The following CHST11 variants were observed in gnomAD, a reference collection of about 807,000 sequenced individuals.
The protein encoded by CHST11 is carbohydrate sulfotransferase 11.
Under a neutral mutation model 30.4 loss-of-function variants are expected in CHST11, and 9 were observed. That is an observed-to-expected ratio of 0.30 (90% CI 0.18 to 0.52). The LOEUF is 0.52. CHST11 is among the 20% of genes least tolerant of loss of function. The pLI is 0.97. For missense variants in CHST11, 348 were observed against 460.6 expected, an observed-to-expected ratio of 0.76 and a Z score of 2.24; for synonymous variants, 152 against 187.8, an observed-to-expected ratio of 0.81 and a Z score of 1.56.
At chr12:104,653,719 A>T (rs1184181195) in intron 2 of CHST11, among the ~76,000 whole-genome samples, 1 of 152,138 alleles carries the variant, frequency 6.6e-6, no homozygotes, top group Admixed American at 6.5e-5. Flanking sequence ...ACAACCCTAT[A>T]TGCAGAAACC....
chr12:104,504,689 T>C (rs2037886339), intron 1 of CHST11, among the ~76,000 whole-genome samples: 1 of 151,968 alleles, frequency 6.6e-6, no homozygotes, highest in Admixed American at 6.6e-5. Context: ...GGGCTGAGTG[T>C]GGTGGGTGGT....
intron 2 of CHST11, among the ~76,000 whole-genome samples, chr12:104,650,524 C>T (rs1377580742): frequency 6.6e-6 from 1 of 152,076 alleles, no homozygotes; most frequent in Non-Finnish European, 1.5e-5. Context: ...AGAGGAGTCT[C>T]TAGAAGGGTC....
At position 104,606,163 on chromosome 12, in the gene CHST11, TGGGGCGG is replaced by T. The variant is rs1314833016; in HGVS notation, c.204+4184_204+4190del. 6.2e-4 allele frequency among the ~76,000 whole-genome samples: 13 copies of T among 20,932 alleles called. No individual in the cohort carries two copies. The South Asian group carries it at 0.017, about 27-fold the overall frequency. The allele number at this position is 20,932 out of a possible 152,430, so 13.7% of individuals were successfully genotyped here. A position where few individuals can be genotyped will look rare whatever the true frequency, so the allele number is the denominator to read the frequency against. On this transcript the variant is annotated intron_variant, in intron 2 of 2. Coordinates refer to ENST00000303694, the MANE Select transcript of CHST11 (RefSeq NM_018413.6). ...TTTAGAGGAATTCTGGGGAACTCTC[TGGGGCGG>T]GGGGCGGGGGGGGGAATGGCTCCAG...
rs570496144 is a variant in CHST11, at chr12:104,526,930, C to T, written c.118+69401C>T. Among the ~76,000 whole-genome samples, 12 of 152,310 alleles carry T rather than the reference C, an allele frequency of 7.9e-5. No homozygotes were observed. In the East Asian group the frequency reaches 9.7e-4, roughly 12 times the overall value. On this transcript the variant is annotated intron_variant, in intron 1 of 2. Transcript: ENST00000303694. ...TTTTCTCCCGGGTTGGCAAGGCCTCCGTGTTCTCCTCCCTGGGTCCTCAGC... is the reference window on the plus strand; with the variant it reads ...TTTTCTCCCGGGTTGGCAAGGCCTCTGTGTTCTCCTCCCTGGGTCCTCAGC...
intron 2 of CHST11, among the ~76,000 whole-genome samples, chr12:104,672,247 CCT>C (rs2307824): frequency 0.18 from 28,043 of 151,778 alleles, 3,657 homozygotes; most frequent in African/African-American, 0.37. Flanking sequence ...GGGGATTGTC[CCT>C]CTCTCCCCAA....
rs58768319 is a variant in CHST11 at position 104,714,551 on chromosome 12, G to GTGATGATGA, written c.205-42380_205-42372dup. The stretch of plus-strand genomic sequence containing the variant: ...ATTTGGGTTTGCTTTTGTGGAGGTG[G>GTGATGATGA]TGATGATGATGATGATGATGATGAT... On this transcript the variant is annotated intron_variant, in intron 2 of 2. Coordinates refer to ENST00000303694, the MANE Select transcript of CHST11 (RefSeq NM_018413.6). 1.3e-4 allele frequency among the ~76,000 whole-genome samples: 20 copies of GTGATGATGA among 150,956 alleles called. No homozygotes were observed. The East Asian group carries it at 3.7e-3, about 28-fold the overall frequency.
At chr12:104,542,350 A>T (rs1474802957) in intron 1 of CHST11, among the ~76,000 whole-genome samples, 1 of 152,250 alleles carries the variant, frequency 6.6e-6, no homozygotes, top group Non-Finnish European at 1.5e-5. Context: ...GGTGAAAACA[A>T]CTCACGTGTC....
At chr12:104,464,918 A>T (rs1311752215) in intron 1 of CHST11, among the ~76,000 whole-genome samples, 1 of 152,236 alleles carries the variant, frequency 6.6e-6, no homozygotes. Flanking sequence ...TCCTATCCCC[A>T]TAAATTATTG....
intron 2 of CHST11, among the ~76,000 whole-genome samples, chr12:104,714,458 G>A (rs1196498743): frequency 6.6e-6 from 1 of 152,168 alleles, no homozygotes; most frequent in Admixed American, 6.5e-5. Context: ...CAGGGCTGGG[G>A]CAAAGGTCAG....
chr12:104,654,428 C>T (rs2039523131), intron 2 of CHST11, among the ~76,000 whole-genome samples: 1 of 152,162 alleles, frequency 6.6e-6, no homozygotes, highest in Non-Finnish European at 1.5e-5. Context: ...CACCCATGGA[C>T]ACAGTAGGAA....
At chr12:104,740,944 C>T (rs2040341853) in intron 2 of CHST11, among the ~76,000 whole-genome samples, 1 of 152,216 alleles carries the variant, frequency 6.6e-6, no homozygotes, top group African/African-American at 2.4e-5. Flanking sequence ...TGAGAATGGG[C>T]CGTCCTTCTT....
chr12:104,594,398 C>T (rs1232189493), intron 1 of CHST11, among the ~76,000 whole-genome samples: 3 of 152,152 alleles, frequency 2.0e-5, no homozygotes, highest in Non-Finnish European at 2.9e-5. Context: ...TTTTAAATCT[C>T]GGAGTGGATT....
intron 1 of CHST11, among the ~76,000 whole-genome samples, chr12:104,484,811 G>C (rs74754857): frequency 0.016 from 2,398 of 152,320 alleles, 62 homozygotes; most frequent in African/African-American, 0.055. Context: ...AGGTGGGATG[G>C]CGGTAGTGGT....
chr12:104,709,916 G>T (rs563028851), intron 2 of CHST11, among the ~76,000 whole-genome samples: 1 of 152,342 alleles, frequency 6.6e-6, no homozygotes, highest in South Asian at 2.1e-4. Context: ...AAAACTTTCA[G>T]CTGGGCATGG....
intron 1 of CHST11, among the ~76,000 whole-genome samples, chr12:104,598,068 A>G (rs1479748971): frequency 6.6e-6 from 1 of 152,188 alleles, no homozygotes; most frequent in African/African-American, 2.4e-5. Context: ...CTGCTTGGCG[A>G]AGCATTGGTG....
At chr12:104,643,568 C>T (rs950684347) in intron 2 of CHST11, among the ~76,000 whole-genome samples, 4 of 152,102 alleles carry the variant, frequency 2.6e-5, no homozygotes, top group African/African-American at 9.7e-5. Context: ...ATGCTCTTTT[C>T]AAGAACTCCA....
At chr12:104,658,950 C>T (rs2039571602) in intron 2 of CHST11, among the ~76,000 whole-genome samples, 1 of 152,236 alleles carries the variant, frequency 6.6e-6, no homozygotes, top group South Asian at 2.1e-4. Flanking sequence ...GGGATTTGAA[C>T]CCAGGCAGTC....
intron 2 of CHST11, among the ~76,000 whole-genome samples, chr12:104,662,230 T>C (rs1451994180): frequency 1.3e-5 from 2 of 152,056 alleles, no homozygotes; most frequent in Non-Finnish European, 1.5e-5. Flanking sequence ...TGGGTTTGAG[T>C]GTCAGCACGT....
At chr12:104,597,300 T>TA (rs11452358) in intron 1 of CHST11, among the ~76,000 whole-genome samples, 7,102 of 151,748 alleles carry the variant, frequency 0.047, 439 homozygotes, top group African/African-American at 0.13. Context: ...TTAGATTCTT[T>TA]AAAAAAAAAT....
Sources: gnomAD v4.1 joint callset for allele counts (sites outside exome capture counted in the v4.1 genomes callset) on GRCh38, gnomAD v4.1.1 for gene constraint, MANE v1.5 for transcripts, NCBI Gene and HGNC (gene_info 2026-07-23, HGNC 2026-07-21) for gene names.